Variants in MARK3 observed in about 807,000 individuals in gnomAD.
The protein encoded by MARK3 is microtubule affinity regulating kinase 3.
Under a neutral mutation model 90.1 loss-of-function variants are expected in MARK3, and 46 were observed. The observed-to-expected ratio is 0.51, with a 90% confidence interval of 0.40 to 0.65. The LOEUF (loss-of-function observed/expected upper bound fraction) is 0.65. MARK3 is among the 30% of genes least tolerant of loss of function. The pLI is 0.00. For missense variants in MARK3, 818 were observed against 947.2 expected (o/e 0.86, Z 1.79); for synonymous variants, 321 against 332.6 (o/e 0.97, Z 0.38).
intron 9 of MARK3, 54 bp downstream of exon 9, chr14:103,466,145 T>A: frequency 6.3e-7 from 1 of 1,589,454 alleles, no homozygotes; most frequent in South Asian, 1.1e-5. Context: ...TAGAGTGACC[T>A]TAGATCTTTG....
chr14:103,409,321 G>A (rs1173423245), intron 2 of MARK3, among the ~76,000 whole-genome samples: 1 of 151,310 alleles, frequency 6.6e-6, no homozygotes, highest in Non-Finnish European at 1.5e-5. Context: ...GGGAGGGATA[G>A]CATTAGGAGA....
chr14:103,495,517 T>G (rs1057013960), intron 15 of MARK3, among the ~76,000 whole-genome samples: 1 of 152,070 alleles, frequency 6.6e-6, no homozygotes, highest in African/African-American at 2.4e-5. Flanking sequence ...CAGGTCTATC[T>G]GACCAGACTC....
chr14:103,465,082 C>T (rs1172513448), intron 7 of MARK3, among the ~76,000 whole-genome samples: 1 of 152,188 alleles, frequency 6.6e-6, no homozygotes, highest in Admixed American at 6.5e-5. Context: ...ATTCTCCTGC[C>T]TCAGCCTCCT....
At chr14:103,466,569 G>A in intron 10 of MARK3, 127 bp downstream of exon 10, 2 of 613,696 alleles carry the variant, frequency 3.3e-6, no homozygotes, top group Non-Finnish European at 5.7e-6. Context: ...CAGTTTATCT[G>A]TTCTGTCATA....
intron 17 of MARK3, among the ~76,000 whole-genome samples, chr14:103,500,992 C>T (rs1276640300): frequency 1.3e-5 from 2 of 152,164 alleles, no homozygotes; most frequent in Non-Finnish European, 2.9e-5. Flanking sequence ...AGCCTTAGGA[C>T]TCTATGTCCC....
intron 2 of MARK3, 47 bp downstream of exon 2, chr14:103,405,314 A>C: frequency 1.5e-6 from 2 of 1,366,938 alleles, no homozygotes; most frequent in Non-Finnish European, 2.0e-6. Context: ...TGCTCTGTTT[A>C]TTTCCATGTA....
intron 1 of MARK3, among the ~76,000 whole-genome samples, chr14:103,394,465 T>C (rs2090454792): frequency 6.6e-6 from 1 of 152,138 alleles, no homozygotes; most frequent in Non-Finnish European, 1.5e-5. Flanking sequence ...CAATTTTGTC[T>C]TCAGCCGAGA....
chr14:103,422,475 C>T (rs181940404), intron 2 of MARK3, among the ~76,000 whole-genome samples: 69 of 152,164 alleles, frequency 4.5e-4, no homozygotes, highest in African/African-American at 1.5e-3. Flanking sequence ...CAAAAAGAAA[C>T]GTAACATACA....
At chr14:103,500,497 C>T (rs1451883857) in intron 17 of MARK3, among the ~76,000 whole-genome samples, 1 of 152,210 alleles carries the variant, frequency 6.6e-6, no homozygotes, top group East Asian at 1.9e-4. Flanking sequence ...GAAATAAGCC[C>T]TCAGTTCATC....
chr14:103,412,088 C>A, intron 2 of MARK3: 5 of 591,576 alleles, frequency 8.5e-6, no homozygotes, highest in Admixed American at 3.6e-5. Flanking sequence ...GTTTTTTTTA[C>A]TAGTAGCAGT....
At chr14:103,416,845 G>C (rs2091963915) in intron 2 of MARK3, among the ~76,000 whole-genome samples, 1 of 152,122 alleles carries the variant, frequency 6.6e-6, no homozygotes, top group South Asian at 2.1e-4. Flanking sequence ...TGCAGGTGAG[G>C]GGATCCTTAT....
rs547233850 is a variant in MARK3, at chr14:103,460,611, G to A, written c.484-1794G>A. Among the ~76,000 whole-genome samples, 204 of 152,256 alleles carry A rather than the reference G, an allele frequency of 1.3e-3. 1 individual carries two copies. Among genetic ancestry groups the A allele is most frequent in the African/African-American group, 4.7e-3 (195 of 41,556 alleles). Reference sequence around the variant, plus strand: ...CATCAGGTTAGCTTTGAGCTGTTTTGGAGCTAAAGAGAGAGAGAAATCCTT... The same window carrying A: ...CATCAGGTTAGCTTTGAGCTGTTTTAGAGCTAAAGAGAGAGAGAAATCCTT... On this transcript the variant is annotated intron_variant, in intron 6 of 17. Transcript: ENST00000429436.
chr14:103,467,340 A>G, intron 11 of MARK3, 149 bp downstream of exon 11: 1 of 502,062 alleles, frequency 2.0e-6, no homozygotes, highest in South Asian at 2.8e-5. Flanking sequence ...AAATCCTATG[A>G]CTATTATAAG....
At position 103,446,836 on chromosome 14, in the gene MARK3, A is replaced by T. The variant is rs141224705; in HGVS notation, c.298-2083A>T. Among the ~76,000 whole-genome samples the T allele has an allele frequency of 3.6e-3, 542 of 149,652 alleles. 5 individuals are homozygous for T. The highest frequency in any genetic ancestry group is 0.01 in the Middle Eastern group (3 of 290). ...GTTGTAATTTAGCAGTTGGGAAGTA[A>T]TTGGGAGATTTGAATTCTAGCTACC... On this transcript the variant is annotated intron_variant, in intron 3 of 17. Transcript: ENST00000429436.
intron 5 of MARK3, among the ~76,000 whole-genome samples, chr14:103,453,722 G>C (rs1008677011): frequency 2.6e-5 from 4 of 152,194 alleles, no homozygotes; most frequent in Non-Finnish European, 5.9e-5. Flanking sequence ...AAACAACACA[G>C]AGTAATGTTC....
At chr14:103,450,879 T>A (rs2093122458) in intron 4 of MARK3, among the ~76,000 whole-genome samples, 1 of 17,002 alleles carries the variant, frequency 5.9e-5, no homozygotes, top group Non-Finnish European at 1.4e-4. Flanking sequence ...TTTTAAAGTG[T>A]GTGTGTGTGT....
At chr14:103,467,269 T>C in intron 11 of MARK3, 78 bp downstream of exon 11, 1 of 657,952 alleles carries the variant, frequency 1.5e-6, no homozygotes, top group South Asian at 2.2e-5. Context: ...AGTTTTTATC[T>C]TTTGAATATT....
At chr14:103,487,330 T>C (rs561810847) in intron 14 of MARK3, among the ~76,000 whole-genome samples, 1 of 150,402 alleles carries the variant, frequency 6.6e-6, no homozygotes, top group South Asian at 2.1e-4. Context: ...TCTACAAAAT[T>C]TTTTTTTTTA....
At chr14:103,425,976 G>A (rs528525909) in intron 2 of MARK3, among the ~76,000 whole-genome samples, 61 of 152,292 alleles carry the variant, frequency 4.0e-4, no homozygotes, top group Non-Finnish European at 5.9e-4. Context: ...TTTAAAACAT[G>A]GTGTTAATGT....
Sources: allele counts gnomAD v4.1 joint callset (sites outside exome capture counted in the v4.1 genomes callset), GRCh38; gene constraint gnomAD v4.1.1; transcripts MANE v1.5; gene names NCBI Gene and HGNC (gene_info 2026-07-23, HGNC 2026-07-21).